ZNF599: variants seen among roughly 807,000 people sequenced by gnomAD.
ZNF599 encodes the protein zinc finger protein 599.
In ZNF599, 10 loss-of-function variants were observed where a neutral mutation model predicts 11.7. That is an observed-to-expected ratio of 0.86 (90% CI 0.53 to 1.45). The LOEUF is 1.45. Ranked by LOEUF, ZNF599 falls within the 40% of genes most tolerant of loss-of-function variation. ZNF599 has a pLI of 0.00. For synonymous variants in ZNF599, 232 were observed against 253.2 expected, an observed-to-expected ratio of 0.92 and a Z score of 0.79; for missense variants, 688 against 713.6, an observed-to-expected ratio of 0.96 and a Z score of 0.41.
Position 34,769,691 on chromosome 19 carries a change from G to A in ZNF599, c.19-136C>T. 3 of 1,040,704 alleles carry A rather than the reference G, an allele frequency of 2.9e-6. No homozygotes were observed. In the East Asian group the frequency reaches 7.3e-5, roughly 25 times the overall value. 64.5% of individuals were successfully genotyped at this position (1,040,704 alleles called of 1,614,324 possible). ...CCTGAGAACCACTGGGCTCTGTGGA[G>A]GCAGATGGTGCCGCTGACAGAATAC... On this transcript the variant is annotated intron_variant, in intron 1 of 3. Transcript: ENST00000329285.
intron 1 of ZNF599, among the ~76,000 whole-genome samples, chr19:34,771,438 C>G (rs143111985): frequency 6.8e-4 from 104 of 152,288 alleles, no homozygotes; most frequent in African/African-American, 2.5e-3. Context: ...ACAGAAACTG[C>G]CTCTCAGCAC....
upstream of ZNF599, among the ~76,000 whole-genome samples, chr19:34,777,089 C>CT (rs1198557292): frequency 6.6e-6 from 1 of 151,096 alleles, no homozygotes; most frequent in African/African-American, 2.4e-5. Flanking sequence ...GGAGTTGAGT[C>CT]TTGCCTCCTA....
In ZNF599 at chr19:34,766,841, G is replaced by A. The variant is rs2069147056; in HGVS notation, c.241+475C>T. 1.3e-5 allele frequency: 2 copies of A among 152,972 alleles called. 1 individual carries two copies. The highest frequency in any genetic ancestry group is 4.1e-4 in the South Asian group (2 of 4,860). 9.5% of individuals were successfully genotyped at this position (152,972 alleles called of 1,614,324 possible). ...CCTTCTCTCCCATTCCTCTTGGCCG[G>A]GGCAACCTTAAAGCTGCATATTGAC... On this transcript the variant is annotated intron_variant, in intron 3 of 3. Transcript: ENST00000329285.
rs780428412 is a variant in ZNF599, at chr19:34,759,609, C to T, written c.1192G>A (p.Gly398Ser). 46 of 1,608,020 alleles carry T rather than the reference C, an allele frequency of 2.9e-5. No homozygotes were observed. In the East Asian group the frequency reaches 3.2e-4, roughly 11 times the overall value. Residue 398 changes from glycine (G) to serine (S), a missense_variant, in exon 4 of 4, where the codon GGT becomes AGT. Physicochemically the swap from Gly to Ser is moderately conservative, Grantham distance 56 (BLOSUM62 0). Transcript: ENST00000329285. Reference protein sequence around the residue: ...IHTGEKPYECGECGKAFTHRS... With the variant: ...IHTGEKPYECSECGKAFTHRS... The stretch of plus-strand genomic sequence containing the variant: ...TGAGTAAAGGCCTTTCCACATTCAC[C>T]GCACTCATAGGGTTTCTCTCCAGTG...
the ZNF599 span, among the ~76,000 whole-genome samples, chr19:34,786,564 G>A: frequency 6.6e-6 from 1 of 152,182 alleles, no homozygotes; most frequent in Non-Finnish European, 1.5e-5. Flanking sequence ...CCTATGTGGG[G>A]TACAGGAAGT....
the ZNF599 span, among the ~76,000 whole-genome samples, chr19:34,789,628 G>A: frequency 6.6e-5 from 10 of 152,062 alleles, no homozygotes; most frequent in Non-Finnish European, 1.5e-4. Flanking sequence ...TTTTCATATA[G>A]TTATTGGTCA....
At chr19:34,784,604 C>G in the ZNF599 span, among the ~76,000 whole-genome samples, 1 of 152,150 alleles carries the variant, frequency 6.6e-6, no homozygotes, top group Non-Finnish European at 1.5e-5. Flanking sequence ...GATCCTCTTT[C>G]TCTTCTGTGT....
intron 2 of ZNF599, among the ~76,000 whole-genome samples, chr19:34,768,532 G>A (rs566055424): frequency 6.6e-6 from 1 of 152,324 alleles, no homozygotes; most frequent in Non-Finnish European, 1.5e-5. Context: ...AGGTTTAGGT[G>A]GGAGAGCATT....
the ZNF599 span, among the ~76,000 whole-genome samples, chr19:34,806,847 T>C: frequency 1.3e-5 from 2 of 152,144 alleles, no homozygotes; most frequent in East Asian, 1.9e-4. Context: ...CTCAAATCTA[T>C]GGCGGCCAAG....
intron 3 of ZNF599, chr19:34,765,326 A>G (rs2145456582): frequency 2.0e-6 from 1 of 506,640 alleles, no homozygotes; most frequent in Admixed American, 3.2e-5. Flanking sequence ...ATGTAATTTT[A>G]TAAGACTGGA....
chr19:34,767,665 T>G (rs904335604), intron 2 of ZNF599, among the ~76,000 whole-genome samples: 2 of 151,896 alleles, frequency 1.3e-5, no homozygotes, highest in Non-Finnish European at 2.9e-5. Flanking sequence ...AAGGACTGAG[T>G]GCTGGTAGTT....
the ZNF599 span, among the ~76,000 whole-genome samples, chr19:34,785,357 C>T: frequency 3.7e-4 from 56 of 152,266 alleles, 1 homozygote; most frequent in Middle Eastern, 6.8e-3. Context: ...CTGCTCCCAC[C>T]GTATGCCTCT....
intron 1 of ZNF599, chr19:34,772,519 T>C: frequency 7.6e-7 from 1 of 1,317,966 alleles, no homozygotes; most frequent in Non-Finnish European, 9.6e-7. Flanking sequence ...TCCAGCTCCC[T>C]CCACAGAGAA....
chr19:34,793,875 A>T, the ZNF599 span, among the ~76,000 whole-genome samples: 1 of 152,172 alleles, frequency 6.6e-6, no homozygotes, highest in East Asian at 1.9e-4. Flanking sequence ...AAAGGGGTGG[A>T]GGTTCCAGTA....
rs2069095591 is a variant in ZNF599, at chr19:34,759,570, T to C, written c.1231A>G (p.Ile411Val). The C allele has an allele frequency of 6.2e-7, 1 of 1,613,408 alleles. No homozygotes were observed. Among genetic ancestry groups the C allele is most frequent in the African/African-American group, 1.3e-5 (1 of 74,784 alleles). Residue 411 changes from isoleucine (I) to valine (V), a missense_variant, in exon 4 of 4, where the codon ATC becomes GTC. Ile to Val is a conservative substitution (Grantham distance 29). Transcript: ENST00000329285. The part of the protein sequence containing the change: ...GKAFTHRSTF[I>V]RHKRTHTGEK... ...CCGGTATGGGTCCTCTTATGTCGGA[T>C]GAAAGTGGAGCGATGAGTAAAGGCC...
In ZNF599 at chr19:34,759,830, G is replaced by A. The variant is rs765500433; in HGVS notation, c.971C>T (p.Ser324Phe). 2 of 1,614,058 alleles carry A rather than the reference G, an allele frequency of 1.2e-6. No individual in the cohort carries two copies. The highest frequency in any genetic ancestry group is 1.7e-5 in the Admixed American group (1 of 59,998). ...AATCCTCATATGTTGAGCAAATGAG[G>A]AGCTGTAGTAAAAAGCTTTCCCACA... The part of the protein sequence containing the change: ...KECGKAFYYS[S>F]SFAQHMRIHT... Residue 324 changes from serine to phenylalanine, a missense_variant, in exon 4 of 4, where the codon TCC (serine) becomes TTC (phenylalanine). Transcript: ENST00000329285.
At chr19:34,782,275 C>T in the ZNF599 span, among the ~76,000 whole-genome samples, 1 of 152,176 alleles carries the variant, frequency 6.6e-6, no homozygotes, top group African/African-American at 2.4e-5. Flanking sequence ...CACTCCACCA[C>T]AGACTACAGG....
At position 34,760,399 on chromosome 19, in the gene ZNF599, G is replaced by C. The variant is rs745953009; in HGVS notation, c.402C>G (p.Asn134Lys). The C allele has an allele frequency of 1.9e-5, 30 of 1,613,970 alleles. No individual in the cohort carries two copies. Among genetic ancestry groups the C allele is most frequent in the Middle Eastern group, 3.3e-4 (2 of 6,084 alleles). The change falls in exon 4 of 4, where the codon AAC becomes AAG. Residue 134 changes from asparagine to lysine, a missense_variant. Asn to Lys is a moderately conservative substitution (Grantham distance 94). Transcript: ENST00000329285. Reference sequence around the variant, plus strand: ...TGTGGGGGTTTGTTCCTGGCCTCAAGTTCCCTTCCTGAATTTTTATTAGCT... The same window carrying C: ...TGTGGGGGTTTGTTCCTGGCCTCAACTTCCCTTCCTGAATTTTTATTAGCT... ...EEKLIKIQEG[N>K]LRPGTNPHKE...
Position 34,760,308 on chromosome 19 carries a change from A to G in ZNF599, c.493T>C (p.Leu165=), listed in dbSNP as rs1341110229. The part of the protein sequence containing the change: ...DDLEPDDSLG[L]RVLQERVTPQ... The stretch of plus-strand genomic sequence containing the variant: ...GTGACTCGTTCCTGTAAAACCCTTA[A>G]GCCCAGACTATCATCTGGCTCCAAA... Residue 165 remains leucine (L), a synonymous_variant, in exon 4 of 4, where the codon TTA becomes CTA. Coordinates refer to ENST00000329285, the MANE Select transcript of ZNF599 (RefSeq NM_001007248.3). 2 of 1,614,194 alleles carry G rather than the reference A, an allele frequency of 1.2e-6. No individual in the cohort carries two copies. Among genetic ancestry groups the G allele is most frequent in the Non-Finnish European group, 1.7e-6 (2 of 1,180,036 alleles).
Sources: allele counts gnomAD v4.1 joint callset (sites outside exome capture counted in the v4.1 genomes callset), GRCh38; gene constraint gnomAD v4.1.1; transcripts MANE v1.5; gene names NCBI Gene and HGNC (gene_info 2026-07-23, HGNC 2026-07-21).